The following SPTLC3 variants were observed in gnomAD, a reference collection of about 807,000 sequenced individuals.
The protein encoded by SPTLC3 is serine palmitoyltransferase long chain base subunit 3.
SPTLC3 carries 36 observed loss-of-function variants against 59.3 expected under a neutral mutation model. The observed-to-expected ratio is 0.61, with a 90% CI of 0.47 to 0.80. The LOEUF is 0.80. SPTLC3 is among the 30% of genes least tolerant of loss of function. The pLI is 0.00. For synonymous variants in SPTLC3, 257 were observed against 240.8 expected (o/e 1.07, Z -0.62); for missense variants, 625 against 685.1 (o/e 0.91, Z 0.98).
intron 11 of SPTLC3, among the ~76,000 whole-genome samples, chr20:13,163,064 G>T (rs2038924368): frequency 6.6e-6 from 1 of 151,994 alleles, no homozygotes; most frequent in Non-Finnish European, 1.5e-5. Context: ...AAGTTTAAAA[G>T]GTTGAGATAA....
chr20:13,034,375 G>A (rs901641266), intron 1 of SPTLC3, among the ~76,000 whole-genome samples: 2 of 152,146 alleles, frequency 1.3e-5, no homozygotes, highest in African/African-American at 4.8e-5. Flanking sequence ...TATTGCCACT[G>A]ACTGCTACAT....
In SPTLC3 at chr20:13,117,643, T is replaced by C. The variant is rs1600311012; in HGVS notation, c.1070T>C (p.Leu357Pro). 6.2e-7 allele frequency: 1 copy of C among 1,614,116 alleles called. No individual in the cohort carries two copies. The highest frequency in any genetic ancestry group is 8.5e-7 in the Non-Finnish European group (1 of 1,179,962). Residue 357 changes from leucine to proline, a missense_variant, in exon 8 of 12, where the codon CTA becomes CCA. Transcript: ENST00000399002. ...CGGGGTGTCACGGAGTTCTTTGGAC[T>C]AGACCCTCATGAAGTTGATGTGCTC... ...TGRGVTEFFG[L>P]DPHEVDVLMG...
At chr20:13,068,291 T>C (rs1988304047) in intron 2 of SPTLC3, among the ~76,000 whole-genome samples, 1 of 152,240 alleles carries the variant, frequency 6.6e-6, no homozygotes, top group Non-Finnish European at 1.5e-5. Flanking sequence ...CCTGGTATTT[T>C]CTATCATATC....
chr20:13,043,245 A>G (rs1377497721), intron 1 of SPTLC3, among the ~76,000 whole-genome samples: 1 of 152,036 alleles, frequency 6.6e-6, no homozygotes, highest in African/African-American at 2.4e-5. Context: ...AGTGCTCTAG[A>G]TTTCCTTTGC....
At chr20:13,112,632 T>C (rs1990298670) in intron 7 of SPTLC3, among the ~76,000 whole-genome samples, 1 of 152,162 alleles carries the variant, frequency 6.6e-6, no homozygotes. Context: ...AAGTCCCCAC[T>C]TTCCAAGAAT....
intron 10 of SPTLC3, among the ~76,000 whole-genome samples, chr20:13,159,739 A>G (rs1305216141): frequency 1.3e-5 from 2 of 152,282 alleles, no homozygotes; most frequent in East Asian, 3.9e-4. Context: ...CAAAGACTCA[A>G]TATCCACAAT....
intron 2 of SPTLC3, among the ~76,000 whole-genome samples, chr20:13,051,624 C>T (rs933430086): frequency 1.2e-4 from 18 of 152,092 alleles, no homozygotes; most frequent in Non-Finnish European, 2.1e-4. Context: ...ATCCAACAAC[C>T]GCAGAATACA....
chr20:13,034,196 G>A (rs1179191335), intron 1 of SPTLC3, among the ~76,000 whole-genome samples: 2 of 150,350 alleles, frequency 1.3e-5, no homozygotes. Context: ...AAAGATAAAA[G>A]AAAAAAAAAA....
chr20:13,053,749 G>A (rs543646259), intron 2 of SPTLC3, among the ~76,000 whole-genome samples: 33 of 152,130 alleles, frequency 2.2e-4, no homozygotes, highest in African/African-American at 7.7e-4. Context: ...GCATACACAA[G>A]TATCAATAGC....
chr20:13,103,171 A>G (rs1035802104), intron 6 of SPTLC3, among the ~76,000 whole-genome samples: 1 of 152,228 alleles, frequency 6.6e-6, no homozygotes, highest in African/African-American at 2.4e-5. Context: ...CTGTGATCTC[A>G]TGGAGAACAG....
chr20:13,135,304 C>G (rs1466626164), intron 9 of SPTLC3, among the ~76,000 whole-genome samples: 1 of 152,090 alleles, frequency 6.6e-6, no homozygotes, highest in Non-Finnish European at 1.5e-5. Flanking sequence ...TTCCATATTC[C>G]TAACTCAGAA....
At chr20:13,022,514 C>T (rs945920856) in intron 1 of SPTLC3, among the ~76,000 whole-genome samples, 1 of 152,164 alleles carries the variant, frequency 6.6e-6, no homozygotes, top group Non-Finnish European at 1.5e-5. Flanking sequence ...GCTAGGATGA[C>T]TCAACTGGCT....
chr20:13,122,103 C>T (rs1008935943), intron 8 of SPTLC3, among the ~76,000 whole-genome samples: 7 of 152,278 alleles, frequency 4.6e-5, no homozygotes, highest in African/African-American at 7.2e-5. Flanking sequence ...TGCTTTGAGG[C>T]CCCTGGCCAC....
chr20:13,060,265 C>A (rs533070799), intron 2 of SPTLC3, among the ~76,000 whole-genome samples: 1 of 152,108 alleles, frequency 6.6e-6, no homozygotes, highest in African/African-American at 2.4e-5. Context: ...TCAGTATACG[C>A]AAAATCGCAT....
chr20:13,014,369 A>G (rs977108022), intron 1 of SPTLC3, among the ~76,000 whole-genome samples: 1 of 152,200 alleles, frequency 6.6e-6, no homozygotes, highest in African/African-American at 2.4e-5. Flanking sequence ...GAGGCATTTG[A>G]CCCAAGTCTT....
intron 6 of SPTLC3, among the ~76,000 whole-genome samples, chr20:13,095,341 T>G (rs923346025): frequency 6.6e-6 from 1 of 152,200 alleles, no homozygotes; most frequent in Non-Finnish European, 1.5e-5. Context: ...TCATCATCAA[T>G]GTAAACCCCT....
chr20:13,044,831 G>C (rs575840941), intron 1 of SPTLC3, among the ~76,000 whole-genome samples: 14 of 152,194 alleles, frequency 9.2e-5, no homozygotes, highest in African/African-American at 3.4e-4. Context: ...TCTGACCCCT[G>C]AGCAAATCAT....
At chr20:13,104,741 T>G (rs1304330860) in intron 6 of SPTLC3, among the ~76,000 whole-genome samples, 2 of 152,222 alleles carry the variant, frequency 1.3e-5, no homozygotes, top group African/African-American at 4.8e-5. Flanking sequence ...AGAACCACAC[T>G]GTACCATAGC....
At chr20:13,159,859 A>G in intron 10 of SPTLC3, 144 bp from the exon 11 acceptor site, 1 of 1,153,594 alleles carries the variant, frequency 8.7e-7, no homozygotes, top group Middle Eastern at 3.1e-4. Flanking sequence ...AAGTTTAAAA[A>G]CTTCAATCAT....
Sources: allele counts gnomAD v4.1 joint callset (sites outside exome capture counted in the v4.1 genomes callset), GRCh38; gene constraint gnomAD v4.1.1; transcripts MANE v1.5; gene names NCBI Gene and HGNC (gene_info 2026-07-23, HGNC 2026-07-21).